The following DGKI variants were observed in gnomAD, a reference collection of about 807,000 sequenced individuals.
The protein encoded by DGKI is DAG kinase iota.
A neutral mutation model predicts 147.5 loss-of-function variants in DGKI; 55 were observed. The ratio of observed to expected loss-of-function variants is 0.37; its 90% CI spans 0.30 to 0.47. DGKI has a LOEUF of 0.47. DGKI is among the 20% of genes least tolerant of loss of function. DGKI has a pLI of 1.00. For missense variants in DGKI, 1,007 were observed against 1,323.8 expected, an observed-to-expected ratio of 0.76 and a Z score of 3.71; for synonymous variants, 469 against 477.1, an observed-to-expected ratio of 0.98 and a Z score of 0.22.
At position 137,663,255 on chromosome 7, in the gene DGKI, G is replaced by T. The variant is rs546610201; in HGVS notation, c.607-6715C>A. On this transcript the variant is annotated intron_variant, in intron 3 of 32. Coordinates refer to ENST00000614521, the MANE Select transcript of DGKI (RefSeq NM_001321708.2). Reference sequence around the variant, plus strand: ...GGCAAGCTACTTGAGGAGACAAGAGGAACTTGGTAGAAAAGGCCATTCACA... The same window carrying T: ...GGCAAGCTACTTGAGGAGACAAGAGTAACTTGGTAGAAAAGGCCATTCACA... Among the ~76,000 whole-genome samples the T allele has an allele frequency of 3.3e-5, 5 of 152,274 alleles. No individual in the cohort carries two copies. In the South Asian group the frequency reaches 1.0e-3, roughly 32 times the overall value.
At chr7:137,542,266 T>C (rs1042855420) in intron 20 of DGKI, among the ~76,000 whole-genome samples, 3 of 152,198 alleles carry the variant, frequency 2.0e-5, no homozygotes, top group Non-Finnish European at 4.4e-5. Context: ...CATTCCTACA[T>C]GTTTAACCTA....
At chr7:137,659,890 G>C (rs956478766) in intron 3 of DGKI, among the ~76,000 whole-genome samples, 1 of 152,118 alleles carries the variant, frequency 6.6e-6, no homozygotes, top group Non-Finnish European at 1.5e-5. Context: ...CCGAGATCGC[G>C]CCACTGCACT....
chr7:137,684,654 T>C (rs1823355130), intron 2 of DGKI, among the ~76,000 whole-genome samples: 1 of 152,164 alleles, frequency 6.6e-6, no homozygotes, highest in Non-Finnish European at 1.5e-5. Context: ...GAAATTAAGG[T>C]CGATTTGTCC....
chr7:137,473,844 G>T (rs1815073491), intron 23 of DGKI, among the ~76,000 whole-genome samples: 1 of 152,070 alleles, frequency 6.6e-6, no homozygotes, highest in Non-Finnish European at 1.5e-5. Flanking sequence ...ATTTACCATT[G>T]TATGGTATTA....
chr7:137,406,367 G>C (rs915585049), intron 30 of DGKI, among the ~76,000 whole-genome samples: 2 of 152,160 alleles, frequency 1.3e-5, no homozygotes, highest in Non-Finnish European at 2.9e-5. Flanking sequence ...ACAAGCCCCA[G>C]ACTTAGCACC....
chr7:137,525,646 A>G (rs1205969001), intron 20 of DGKI, among the ~76,000 whole-genome samples: 2 of 152,282 alleles, frequency 1.3e-5, no homozygotes, highest in South Asian at 4.1e-4. Flanking sequence ...TCCACCTCAT[A>G]GGCATATTAA....
intron 21 of DGKI, among the ~76,000 whole-genome samples, chr7:137,509,056 G>A (rs1322055010): frequency 6.6e-6 from 1 of 152,002 alleles, no homozygotes; most frequent in Non-Finnish European, 1.5e-5. Flanking sequence ...AAACACAAGT[G>A]GAATCTTTCC....
rs968005738 is a variant in DGKI, at chr7:137,386,766, G to A, written c.*4454C>T. ...GGACCTGTAGGACTTCTAATCAGCT[G>A]AGTATGAGATTCAGAGTGAAAGGAG... On this transcript the variant is annotated 3_prime_UTR_variant, in exon 33 of 33. Transcript: ENST00000614521. 3 of 152,106 alleles carry A rather than the reference G, an allele frequency of 2.0e-5. No individual in the cohort carries two copies. Among genetic ancestry groups the A allele is most frequent in the Non-Finnish European group, 4.4e-5 (3 of 68,002 alleles). 9.4% of individuals were successfully genotyped at this position (152,106 alleles called of 1,614,324 possible). A position where few individuals can be genotyped will look rare whatever the true frequency, so the allele number is the denominator to read the frequency against.
intron 12 of DGKI, among the ~76,000 whole-genome samples, chr7:137,589,696 C>A (rs1286678244): frequency 6.6e-6 from 1 of 152,186 alleles, no homozygotes; most frequent in Admixed American, 6.5e-5. Context: ...AAAAAGCCCA[C>A]CCATCTGGGA....
intron 27 of DGKI, among the ~76,000 whole-genome samples, chr7:137,462,804 G>A (rs1378218160): frequency 6.6e-6 from 1 of 152,142 alleles, no homozygotes; most frequent in Non-Finnish European, 1.5e-5. Context: ...GAGTAGGTGC[G>A]CATGAGTGTA....
intron 1 of DGKI, among the ~76,000 whole-genome samples, chr7:137,781,975 C>T (rs1411232327): frequency 3.3e-5 from 5 of 152,152 alleles, no homozygotes; most frequent in Non-Finnish European, 2.9e-5. Flanking sequence ...GGATAGGAGG[C>T]AGGAATAGCT....
chr7:137,474,674 A>C (rs1040431342), intron 23 of DGKI, among the ~76,000 whole-genome samples: 4 of 152,224 alleles, frequency 2.6e-5, no homozygotes, highest in Non-Finnish European at 5.9e-5. Flanking sequence ...TGAGATGCCA[A>C]AAAATGTTCC....
Position 137,383,044 on chromosome 7 carries a change from T to C in DGKI, c.*8176A>G, listed in dbSNP as rs1811095447. 6.6e-6 allele frequency: 1 copy of C among 151,966 alleles called. No homozygotes were observed. Among genetic ancestry groups the C allele is most frequent in the Non-Finnish European group, 1.5e-5 (1 of 67,948 alleles). The allele number at this position is 151,966 out of a possible 1,614,324, so 9.4% of individuals were successfully genotyped here. On this transcript the variant is annotated 3_prime_UTR_variant, in exon 33 of 33. Coordinates refer to ENST00000614521, the MANE Select transcript of DGKI (RefSeq NM_001321708.2). ...TCCATGCCTCTGTATTGGCAGAGGA[T>C]ATAGAATTTCCCACCCTCTTCTCCA...
intron 1 of DGKI, among the ~76,000 whole-genome samples, chr7:137,755,284 T>C (rs1795644257): frequency 6.6e-6 from 1 of 152,182 alleles, no homozygotes; most frequent in African/African-American, 2.4e-5. Flanking sequence ...TTTTTCAACA[T>C]GTCCCATGAA....
intron 1 of DGKI, among the ~76,000 whole-genome samples, chr7:137,691,798 G>GT (rs796902464): frequency 0.019 from 1,781 of 95,756 alleles, 67 homozygotes; most frequent in African/African-American, 0.038. Flanking sequence ...AGACCTTTGG[G>GT]TTTTTTTTTT....
chr7:137,394,108 G>A (rs993490944), intron 32 of DGKI, among the ~76,000 whole-genome samples: 1 of 152,046 alleles, frequency 6.6e-6, no homozygotes. Context: ...TAGGTAAGTG[G>A]TTCATTCTTT....
chr7:137,469,221 T>C (rs187702981), intron 24 of DGKI, among the ~76,000 whole-genome samples: 126 of 152,304 alleles, frequency 8.3e-4, no homozygotes, highest in Middle Eastern at 3.4e-3. Flanking sequence ...ATCCTATGCA[T>C]ATAGAATCCA....
Position 137,633,625 on chromosome 7 carries a change from TA to T in DGKI, c.805-10072del, listed in dbSNP as rs142563334. On this transcript the variant is annotated intron_variant, in intron 6 of 32. Transcript: ENST00000614521. Reference sequence around the variant, plus strand: ...ATTTAATTCACCAGCTGAGATCCCATAAAACCAAAGACTGGAGAATGGTGCC... The same window carrying T: ...ATTTAATTCACCAGCTGAGATCCCATAAACCAAAGACTGGAGAATGGTGCC... Among the ~76,000 whole-genome samples the T allele has an allele frequency of 5.0e-3, 768 of 152,262 alleles. 6 individuals carry two copies. The highest frequency in any genetic ancestry group is 0.018 in the African/African-American group (745 of 41,536).
intron 1 of DGKI, among the ~76,000 whole-genome samples, chr7:137,811,801 C>T (rs1336577761): frequency 6.6e-6 from 1 of 152,140 alleles, no homozygotes; most frequent in East Asian, 1.9e-4. Context: ...TACTTATGTA[C>T]ATATATTTAG....
Sources: allele counts gnomAD v4.1 joint callset (sites outside exome capture counted in the v4.1 genomes callset), GRCh38; gene constraint gnomAD v4.1.1; transcripts MANE v1.5; gene names NCBI Gene and HGNC (gene_info 2026-07-23, HGNC 2026-07-21).